MTCL2: variants seen among roughly 807,000 people sequenced by gnomAD.
MTCL2 encodes the protein microtubule crosslinking factor 2.
At chr20:36,789,387 C>T in the MTCL2 span, among the ~76,000 whole-genome samples, 1 of 152,146 alleles carries the variant, frequency 6.6e-6, no homozygotes, top group Non-Finnish European at 1.5e-5. Flanking sequence ...CTCAGCCAGG[C>T]GCAGTGGCTC....
chr20:36,849,924 C>A, the MTCL2 span, among the ~76,000 whole-genome samples: 6 of 152,120 alleles, frequency 3.9e-5, no homozygotes, highest in Admixed American at 3.9e-4. Flanking sequence ...CTGAACCCAG[C>A]AACAGCTCCC....
At chr20:36,803,247 T>C in the MTCL2 span, 2 of 1,287,192 alleles carry the variant, frequency 1.6e-6, no homozygotes, top group Non-Finnish European at 2.1e-6. Context: ...TAACCCAGCT[T>C]AGTCCTCCCC....
At chr20:36,813,321 A>AAAAG in the MTCL2 span, among the ~76,000 whole-genome samples, 2 of 140,678 alleles carry the variant, frequency 1.4e-5, no homozygotes, top group Admixed American at 1.4e-4. Flanking sequence ...TTTAAAAAAA[A>AAAAG]AAAAAAAAAA....
At chr20:36,804,713 G>A in the MTCL2 span, 19 of 1,608,374 alleles carry the variant, frequency 1.2e-5, no homozygotes, top group Admixed American at 1.7e-5. Context: ...GGGGAGAGGC[G>A]TCTGACAGGT....
the MTCL2 span, among the ~76,000 whole-genome samples, chr20:36,798,059 C>T: frequency 6.6e-6 from 1 of 151,942 alleles, no homozygotes; most frequent in Non-Finnish European, 1.5e-5. Context: ...ATCTCCTATG[C>T]ACACATTAGT....
the MTCL2 span, among the ~76,000 whole-genome samples, chr20:36,792,406 G>A: frequency 6.6e-6 from 1 of 152,106 alleles, no homozygotes; most frequent in Non-Finnish European, 1.5e-5. Flanking sequence ...TACTTGGGAG[G>A]CAGAGACAGA....
the MTCL2 span, among the ~76,000 whole-genome samples, chr20:36,792,327 G>T: frequency 3.9e-5 from 6 of 152,194 alleles, no homozygotes; most frequent in Admixed American, 1.3e-4. Context: ...GGCCAACATG[G>T]TGAAACCCCG....
At chr20:36,859,711 T>A in the MTCL2 span, 1 of 1,231,618 alleles carries the variant, frequency 8.1e-7, no homozygotes, top group African/African-American at 1.6e-5. Flanking sequence ...CAGTGACCCC[T>A]ACAAGGGGGA....
the MTCL2 span, among the ~76,000 whole-genome samples, chr20:36,789,243 T>C: frequency 6.6e-6 from 1 of 152,230 alleles, no homozygotes; most frequent in African/African-American, 2.4e-5. Flanking sequence ...TTTCTTGATG[T>C]GGTGCTGGTT....
chr20:36,862,619 C>A, the MTCL2 span: 2,483 of 1,462,038 alleles, frequency 1.7e-3, 41 homozygotes, highest in African/African-American at 0.031. Context: ...TGACAGCCGG[C>A]GACCCCTGCG....
At chr20:36,833,451 T>C in the MTCL2 span, among the ~76,000 whole-genome samples, 1 of 152,206 alleles carries the variant, frequency 6.6e-6, no homozygotes, top group Non-Finnish European at 1.5e-5. Context: ...TCCTGCCAAG[T>C]GCAACTAGCA....
the MTCL2 span, among the ~76,000 whole-genome samples, chr20:36,808,926 CAG>C: frequency 7.9e-5 from 12 of 152,250 alleles, no homozygotes; most frequent in Non-Finnish European, 1.6e-4. Context: ...CCTGCAAAAA[CAG>C]TGACACATCA....
At chr20:36,835,314 G>C in the MTCL2 span, among the ~76,000 whole-genome samples, 7 of 152,140 alleles carry the variant, frequency 4.6e-5, no homozygotes, top group Admixed American at 3.9e-4. Context: ...GGGTTGGGGG[G>C]GGGCACTGAG....
the MTCL2 span, chr20:36,815,483 C>T: frequency 6.3e-7 from 1 of 1,594,442 alleles, no homozygotes; most frequent in South Asian, 1.1e-5. The surrounding 1 kb of genome is among the most constrained non-coding windows in gnomAD (Gnocchi z 5.3). Context: ...TCAGCCCAGG[C>T]AGCACCTCGG....
the MTCL2 span, among the ~76,000 whole-genome samples, chr20:36,846,825 G>A: frequency 6.6e-6 from 1 of 152,182 alleles, no homozygotes; most frequent in Non-Finnish European, 1.5e-5. Context: ...TGACCAACAT[G>A]GTGAAACCCC....
the MTCL2 span, among the ~76,000 whole-genome samples, chr20:36,788,448 G>A: frequency 3.3e-5 from 5 of 151,624 alleles, no homozygotes; most frequent in East Asian, 7.8e-4. Context: ...TCAGGAGATC[G>A]AGACCATCTG....
At chr20:36,834,871 G>A in the MTCL2 span, among the ~76,000 whole-genome samples, 2 of 151,838 alleles carry the variant, frequency 1.3e-5, no homozygotes, top group African/African-American at 2.4e-5. Context: ...ACATGGTGGC[G>A]CATGCCTGTA....
At chr20:36,811,431 C>A in the MTCL2 span, among the ~76,000 whole-genome samples, 4,322 of 152,112 alleles carry the variant, frequency 0.028, 238 homozygotes, top group African/African-American at 0.1. Flanking sequence ...GAGTTTGAGG[C>A]CAGCCTAGGT....
chr20:36,836,846 G>A, the MTCL2 span, among the ~76,000 whole-genome samples: 3 of 152,148 alleles, frequency 2.0e-5, no homozygotes, highest in South Asian at 4.1e-4. Context: ...CAATCCCATT[G>A]TGCACCAACA....
Sources: gnomAD v4.1 joint callset for allele counts (sites outside exome capture counted in the v4.1 genomes callset) on GRCh38, gnomAD v4.1.1 for gene constraint, Gnocchi (gnomAD v3.1) non-coding constraint, MANE v1.5 for transcripts, NCBI Gene and HGNC (gene_info 2026-07-23, HGNC 2026-07-21) for gene names.